The following SYT14 variants were observed in gnomAD, a reference collection of about 807,000 sequenced individuals.
SYT14 encodes synaptotagmin 14.
Under a neutral mutation model 74.2 loss-of-function variants are expected in SYT14, and 32 were observed. That is an observed-to-expected ratio of 0.43 (90% confidence interval 0.33 to 0.58). The LOEUF is 0.58. SYT14 is among the 20% of genes least tolerant of loss of function. SYT14 has a pLI of 0.05. For missense variants in SYT14, 791 were observed against 981.8 expected (o/e 0.81, Z 2.60); for synonymous variants, 298 against 337.7 (o/e 0.88, Z 1.29).
At chr1:209,965,897 G>A (rs2079149875) in intron 2 of SYT14, 6 of 450,724 alleles carry the variant, frequency 1.3e-5, no homozygotes, top group South Asian at 9.4e-5. Context: ...TTTTAGATAG[G>A]GTATTTCTCT....
chr1:210,127,825 T>C (rs1230962482), intron 7 of SYT14, among the ~76,000 whole-genome samples: 1 of 150,910 alleles, frequency 6.6e-6, no homozygotes, highest in Non-Finnish European at 1.5e-5. Flanking sequence ...CAGTAGTTCG[T>C]GACCAGCCTG....
At chr1:209,940,073 A>G (rs924932095) in intron 1 of SYT14, among the ~76,000 whole-genome samples, 2 of 152,262 alleles carry the variant, frequency 1.3e-5, no homozygotes, top group Admixed American at 6.5e-5. Flanking sequence ...TTTTCATAAT[A>G]CAAAGATCAG....
chr1:210,159,269 A>T, intron 8 of SYT14, 152 bp from the exon 8 acceptor site: 3 of 767,394 alleles, frequency 3.9e-6, no homozygotes, highest in South Asian at 1.6e-5. Flanking sequence ...CTTTTTGTTC[A>T]ATCCTCTATC....
chr1:210,016,402 A>G (rs1426273338), exon 4 of SYT14: 2 of 1,231,998 alleles, frequency 1.6e-6, no homozygotes, highest in Non-Finnish European at 2.0e-6. Flanking sequence ...CAGAATATCA[A>G]GACACTGGTA....
At chr1:209,938,569 C>T (rs1485730662) in intron 1 of SYT14, among the ~76,000 whole-genome samples, 1 of 151,998 alleles carries the variant, frequency 6.6e-6, no homozygotes, top group Non-Finnish European at 1.5e-5. Context: ...TCCGGGCCGC[C>T]GCCTCCTGCC....
chr1:210,076,298 A>G (rs1258043359), intron 5 of SYT14, among the ~76,000 whole-genome samples: 4 of 152,184 alleles, frequency 2.6e-5, no homozygotes, highest in African/African-American at 9.7e-5. Context: ...CTCCTGAATG[A>G]CTTGATATGA....
intron 2 of SYT14, among the ~76,000 whole-genome samples, chr1:210,000,072 AT>A (rs2079866103): frequency 1.3e-5 from 2 of 151,146 alleles, no homozygotes; most frequent in African/African-American, 4.9e-5. Context: ...TTATGATTTT[AT>A]TTTTATTTTA....
intron 5 of SYT14, among the ~76,000 whole-genome samples, chr1:210,075,126 C>A (rs1273334930): frequency 6.6e-6 from 1 of 152,180 alleles, no homozygotes; most frequent in East Asian, 1.9e-4. Context: ...CCTCTGACTA[C>A]CCCAGCCAAA....
intron 2 of SYT14, among the ~76,000 whole-genome samples, chr1:210,011,645 A>C (rs2080089091): frequency 6.6e-6 from 1 of 152,244 alleles, no homozygotes; most frequent in Admixed American, 6.5e-5. Flanking sequence ...ATGAAAAAGG[A>C]AATCAAAGCA....
chr1:210,014,701 A>G (rs2080149660), intron 3 of SYT14, among the ~76,000 whole-genome samples: 1 of 152,132 alleles, frequency 6.6e-6, no homozygotes, highest in African/African-American at 2.4e-5. Flanking sequence ...TTAAGAAACT[A>G]TAAATAGTAT....
At chr1:210,062,696 G>A (rs915421823) in intron 5 of SYT14, among the ~76,000 whole-genome samples, 1 of 151,682 alleles carries the variant, frequency 6.6e-6, no homozygotes, top group Admixed American at 6.6e-5. Flanking sequence ...ATTTCAAATT[G>A]GTAGAAAACA....
chr1:210,031,596 A>G (rs917438232), intron 5 of SYT14, among the ~76,000 whole-genome samples: 3 of 152,154 alleles, frequency 2.0e-5, no homozygotes, highest in Non-Finnish European at 2.9e-5. Flanking sequence ...ATACATACCT[A>G]TTCAGGTCGT....
chr1:210,061,831 T>C (rs577973014), intron 5 of SYT14, among the ~76,000 whole-genome samples: 1 of 151,936 alleles, frequency 6.6e-6, no homozygotes, highest in East Asian at 1.9e-4. Context: ...TTGGCTAAAC[T>C]TCATATAATC....
intron 5 of SYT14, among the ~76,000 whole-genome samples, chr1:210,061,077 A>C (rs2081199797): frequency 6.6e-6 from 1 of 151,992 alleles, no homozygotes; most frequent in Non-Finnish European, 1.5e-5. Flanking sequence ...GTATTTCCCA[A>C]AGGCCTGCCA....
chr1:209,990,409 C>T (rs1274502748), intron 2 of SYT14, among the ~76,000 whole-genome samples: 2 of 150,122 alleles, frequency 1.3e-5, no homozygotes, highest in Non-Finnish European at 3.0e-5. Context: ...TCATGGAACG[C>T]CCCCACCTTC....
At chr1:210,124,242 A>G (rs928730550) in intron 7 of SYT14, among the ~76,000 whole-genome samples, 8 of 146,676 alleles carry the variant, frequency 5.5e-5, no homozygotes, top group African/African-American at 2.1e-4. Context: ...GAAGACAGAA[A>G]TGAAAAAAAA....
intron 2 of SYT14, among the ~76,000 whole-genome samples, chr1:209,965,148 G>T (rs1275727647): frequency 6.6e-6 from 1 of 152,204 alleles, no homozygotes; most frequent in South Asian, 2.1e-4. Flanking sequence ...TATACTGTGT[G>T]ATGCTGAAAT....
chr1:210,164,495 T>C (rs911653771), exon 10 of SYT14: 2 of 159,232 alleles, frequency 1.3e-5, no homozygotes, highest in Non-Finnish European at 2.8e-5. Flanking sequence ...ATAGTACCAA[T>C]AGGAGAAAGA....
At chr1:209,969,633 G>A (rs2142861) in intron 2 of SYT14, among the ~76,000 whole-genome samples, 69,640 of 151,402 alleles carry the variant, frequency 0.46, 17,209 homozygotes, top group Non-Finnish European at 0.56. Context: ...GACTACAGGC[G>A]CGTGCCACCA....
Sources: gnomAD v4.1 joint callset for allele counts (sites outside exome capture counted in the v4.1 genomes callset) on GRCh38, gnomAD v4.1.1 for gene constraint, MANE v1.5 for transcripts, NCBI Gene and HGNC (gene_info 2026-07-23, HGNC 2026-07-21) for gene names.